Variants in NEGR1 observed in about 807,000 individuals in gnomAD.
The protein encoded by NEGR1 is neuronal growth regulator 1, also known as IgLON family member 4.
A neutral mutation model predicts 40.9 loss-of-function variants in NEGR1; 10 were observed. That is an observed-to-expected ratio of 0.24 (90% CI 0.15 to 0.42). The LOEUF is 0.42. NEGR1 is among the 10% of genes least tolerant of loss of function. The pLI, the probability that NEGR1 is intolerant of heterozygous loss-of-function variation, is 1.00. For synonymous variants in NEGR1, 185 were observed against 166.8 expected (o/e 1.11, Z -0.84); for missense variants, 352 against 438.9 (o/e 0.80, Z 1.77).
intron 1 of NEGR1, among the ~76,000 whole-genome samples, chr1:72,098,283 T>A (rs1040692343): frequency 1.3e-5 from 2 of 151,748 alleles, no homozygotes; most frequent in Non-Finnish European, 2.9e-5. Flanking sequence ...GAAGAATGAC[T>A]GGAAAAAAAA....
At chr1:71,928,372 ATATATG>A (rs1165986115) in intron 2 of NEGR1, among the ~76,000 whole-genome samples, 4 of 92,590 alleles carry the variant, frequency 4.3e-5, no homozygotes, top group African/African-American at 7.6e-5. Context: ...ACACATATGT[ATATATG>A]TATATATACA....
At chr1:71,464,608 G>T (rs538793656) in intron 6 of NEGR1, among the ~76,000 whole-genome samples, 1 of 152,192 alleles carries the variant, frequency 6.6e-6, no homozygotes, top group South Asian at 2.1e-4. Flanking sequence ...TCCCAAGAAT[G>T]CAGTTCTGTC....
intron 6 of NEGR1, among the ~76,000 whole-genome samples, chr1:71,568,853 TG>T (rs1487334902): frequency 6.6e-6 from 1 of 151,560 alleles, no homozygotes; most frequent in Non-Finnish European, 1.5e-5. Flanking sequence ...TGTGTGTGTG[TG>T]TGTGTGTGTG....
At chr1:71,621,206 T>G (rs1650597356) in intron 4 of NEGR1, among the ~76,000 whole-genome samples, 1 of 151,930 alleles carries the variant, frequency 6.6e-6, no homozygotes, top group Non-Finnish European at 1.5e-5. Context: ...ATATCACATT[T>G]TACTCTCCCA....
At chr1:72,205,819 G>C (rs1160583361) in intron 1 of NEGR1, among the ~76,000 whole-genome samples, 3 of 149,972 alleles carry the variant, frequency 2.0e-5, no homozygotes, top group African/African-American at 7.4e-5. Flanking sequence ...GTGCAAGCCT[G>C]GTAGGCCTGG....
At chr1:71,903,531 T>A (rs1050011399) in intron 2 of NEGR1, among the ~76,000 whole-genome samples, 1 of 151,960 alleles carries the variant, frequency 6.6e-6, no homozygotes, top group African/African-American at 2.4e-5. Context: ...CCTCAATCTT[T>A]CATCAAGAAA....
chr1:71,883,531 A>G (rs72931765), intron 2 of NEGR1, among the ~76,000 whole-genome samples: 13,597 of 152,252 alleles, frequency 0.089, 722 homozygotes, highest in Non-Finnish European at 0.12. Context: ...ATTACAGATT[A>G]TTACACTAAA....
intron 1 of NEGR1, among the ~76,000 whole-genome samples, chr1:72,084,095 G>C (rs1648111767): frequency 6.6e-6 from 1 of 151,844 alleles, no homozygotes; most frequent in African/African-American, 2.4e-5. Flanking sequence ...CGTCTTCATA[G>C]TTTTCTTTTT....
intron 6 of NEGR1, among the ~76,000 whole-genome samples, chr1:71,448,241 A>AG (rs1646596888): frequency 6.6e-6 from 1 of 151,626 alleles, no homozygotes. Context: ...GAGAAAAAAA[A>AG]AAAAGACACA....
At chr1:71,806,431 G>A (rs1657773598) in intron 2 of NEGR1, among the ~76,000 whole-genome samples, 1 of 151,792 alleles carries the variant, frequency 6.6e-6, no homozygotes, top group Non-Finnish European at 1.5e-5. Context: ...TCAAATGAGT[G>A]TGTAGGTCTA....
At chr1:71,416,222 A>T (rs573015431) in intron 6 of NEGR1, among the ~76,000 whole-genome samples, 2 of 152,132 alleles carry the variant, frequency 1.3e-5, no homozygotes, top group African/African-American at 2.4e-5. Context: ...GATCTTATAC[A>T]TGTGGGTATG....
In NEGR1 at chr1:71,400,768, C is replaced by T. The variant is rs1194585586; in HGVS notation, c.*6678G>A. The T allele has an allele frequency of 2.0e-5, 3 of 151,962 alleles. No individual in the cohort carries two copies. The highest frequency in any genetic ancestry group is 7.3e-5 in the African/African-American group (3 of 41,370). 9.4% of individuals were successfully genotyped at this position (151,962 alleles called of 1,614,324 possible). On this transcript the variant is annotated 3_prime_UTR_variant, in exon 7 of 7. Coordinates refer to ENST00000357731, the MANE Select transcript of NEGR1 (RefSeq NM_173808.3). ...TACATCTCGTCTGGGAGCGGTGGCT[C>T]ACGCCTGTAATCCCAGCACTTTAGG...
At chr1:71,635,161 T>C (rs1056211332) in intron 4 of NEGR1, among the ~76,000 whole-genome samples, 19 of 151,300 alleles carry the variant, frequency 1.3e-4, no homozygotes, top group African/African-American at 4.6e-4. Flanking sequence ...AAGTATATAT[T>C]GGAAGAAAAT....
intron 2 of NEGR1, among the ~76,000 whole-genome samples, chr1:71,778,337 G>T (rs1317375103): frequency 6.6e-6 from 1 of 151,970 alleles, no homozygotes; most frequent in Non-Finnish European, 1.5e-5. Flanking sequence ...TTCATTTTCA[G>T]TATAGTATTT....
chr1:72,000,286 C>T (rs929880056), intron 1 of NEGR1, among the ~76,000 whole-genome samples: 3 of 151,934 alleles, frequency 2.0e-5, no homozygotes, highest in Non-Finnish European at 4.4e-5. Flanking sequence ...GACTGATAAG[C>T]ACATTACACA....
chr1:71,928,353 TATATATATACAC>T (rs1408876031), intron 2 of NEGR1, among the ~76,000 whole-genome samples: 16 of 79,394 alleles, frequency 2.0e-4, no homozygotes, highest in African/African-American at 6.9e-4. Flanking sequence ...CACATGTGTA[TATATATATACAC>T]ATATGTATAT....
At chr1:72,178,887 T>C (rs1652265985) in intron 1 of NEGR1, among the ~76,000 whole-genome samples, 1 of 152,016 alleles carries the variant, frequency 6.6e-6, no homozygotes, top group South Asian at 2.1e-4. Flanking sequence ...TTGCTCATTT[T>C]TTTAATGGGG....
chr1:71,681,353 T>G (rs558135648), intron 4 of NEGR1, among the ~76,000 whole-genome samples: 64 of 152,344 alleles, frequency 4.2e-4, no homozygotes, highest in African/African-American at 1.5e-3. Flanking sequence ...TCAAAAGATC[T>G]TTTTATATTT....
intron 1 of NEGR1, among the ~76,000 whole-genome samples, chr1:72,056,264 G>A (rs553988700): frequency 3.1e-4 from 47 of 151,232 alleles, no homozygotes; most frequent in African/African-American, 1.1e-3. Flanking sequence ...CAGGAGAGAG[G>A]CTTTGTGAAT....
Sources: allele counts gnomAD v4.1 joint callset (sites outside exome capture counted in the v4.1 genomes callset), GRCh38; gene constraint gnomAD v4.1.1; transcripts MANE v1.5; gene names NCBI Gene and HGNC (gene_info 2026-07-23, HGNC 2026-07-21).